The following GNG2 variants were observed in gnomAD, a reference collection of about 807,000 sequenced individuals.
GNG2 encodes guanine nucleotide-binding protein G(I)/G(S)/G(O) subunit gamma-2.
GNG2 carries 5 observed loss-of-function variants against 5.5 expected under a neutral mutation model. The observed-to-expected ratio is 0.91, with a 90% CI of 0.48 to 1.92. The LOEUF is 1.92. Ranked by LOEUF, GNG2 falls within the 30% of genes most tolerant of loss-of-function variation. The probability of loss-of-function intolerance (pLI) is 0.01; values close to 1 mark genes in which losing one functional copy is unlikely to be tolerated. For synonymous variants in GNG2, 28 were observed against 32.0 expected (o/e 0.88, Z 0.42); for missense variants, 55 against 88.4 (o/e 0.62, Z 1.52).
intron 3 of GNG2, among the ~76,000 whole-genome samples, chr14:51,955,504 G>T (rs531855294): frequency 2.0e-5 from 3 of 152,082 alleles, no homozygotes; most frequent in Admixed American, 2.0e-4. Flanking sequence ...ATCTTTCATG[G>T]TACTGGGGTA....
At chr14:51,859,961 C>A (rs941371068), upstream of GNG2, among the ~76,000 whole-genome samples, 3 of 152,164 alleles carry the variant, frequency 2.0e-5, no homozygotes, top group Admixed American at 2.0e-4. Flanking sequence ...GTTTAGTTCC[C>A]GTGCCCCATA....
At position 51,919,676 on chromosome 14, in the gene GNG2, C is replaced by A. The variant is rs77948169; in HGVS notation, c.-29-30974C>A. On this transcript the variant is annotated intron_variant, in intron 2 of 3. Transcript: ENST00000556766. ...GATTTGTAAGGCAGCTGAGCTTTGG[C>A]TGATTGAGACTTGTTTGTTTGAACA... Among the ~76,000 whole-genome samples, 1,170 of 152,264 alleles carry A rather than the reference C, an allele frequency of 7.7e-3. 18 individuals carry two copies. Among genetic ancestry groups the A allele is most frequent in the African/African-American group, 0.027 (1,115 of 41,540 alleles).
chr14:51,848,032 C>T (rs1442569603), intron 2 of GNG2, among the ~76,000 whole-genome samples: 13 of 151,706 alleles, frequency 8.6e-5, no homozygotes, highest in Admixed American at 8.6e-4. Flanking sequence ...TCCACACTGC[C>T]CCCTCCACTC....
In GNG2 at chr14:51,954,478, G is replaced by C. The variant is rs140242044; in HGVS notation, c.87+3713G>C. ...ACATGCACAAAAGTAAAGGACAGCAGGGCTTCAGTAAATCTGTTTATTCAT... is the reference window on the plus strand; with the variant it reads ...ACATGCACAAAAGTAAAGGACAGCACGGCTTCAGTAAATCTGTTTATTCAT... On this transcript the variant is annotated intron_variant, in intron 3 of 3. Transcript: ENST00000556766. 1.1e-3 allele frequency among the ~76,000 whole-genome samples: 160 copies of C among 152,246 alleles called. 1 individual carries two copies. Among genetic ancestry groups the C allele is most frequent in the African/African-American group, 3.6e-3 (151 of 41,538 alleles).
chr14:51,956,121 G>A (rs1347592956), intron 3 of GNG2, among the ~76,000 whole-genome samples: 1 of 152,102 alleles, frequency 6.6e-6, no homozygotes, highest in Admixed American at 6.5e-5. Flanking sequence ...CTCCTTCTAG[G>A]CCAATTCCAA....
At chr14:51,879,458 A>G (rs1266554352) in intron 2 of GNG2, among the ~76,000 whole-genome samples, 1 of 152,250 alleles carries the variant, frequency 6.6e-6, no homozygotes, top group Non-Finnish European at 1.5e-5. Context: ...TTAGTTTTCT[A>G]TGGCTGCTGT....
chr14:51,942,589 C>CTTTCTTTCTTTCTTTT (rs761049973), intron 2 of GNG2, among the ~76,000 whole-genome samples: 3 of 81,142 alleles, frequency 3.7e-5, no homozygotes, highest in Non-Finnish European at 6.8e-5. Flanking sequence ...TTCTTTCTTT[C>CTTTCTTTCTTTCTTTT]TTTTTTTTTT....
chr14:51,915,024 C>G (rs764198480), intron 2 of GNG2, among the ~76,000 whole-genome samples: 2 of 152,236 alleles, frequency 1.3e-5, no homozygotes, highest in African/African-American at 2.4e-5. Context: ...TCATTTCTTT[C>G]TACTTAGGCA....
chr14:51,952,636 G>C (rs1166592254), intron 3 of GNG2, among the ~76,000 whole-genome samples: 1 of 152,198 alleles, frequency 6.6e-6, no homozygotes, highest in African/African-American at 2.4e-5. Flanking sequence ...CCCAGTTACT[G>C]TTCCTGAAGG....
intron 2 of GNG2, among the ~76,000 whole-genome samples, chr14:51,927,621 G>A (rs1247591371): frequency 6.6e-6 from 1 of 152,140 alleles, no homozygotes; most frequent in South Asian, 2.1e-4. Flanking sequence ...CTAAAAATAG[G>A]GGCTGTGCCT....
chr14:51,954,428 T>A (rs981117251), intron 3 of GNG2, among the ~76,000 whole-genome samples: 1 of 152,112 alleles, frequency 6.6e-6, no homozygotes, highest in African/African-American at 2.4e-5. Context: ...AAAGAAACCT[T>A]GTCCTTAGAG....
chr14:51,908,138 G>A (rs147373668), intron 2 of GNG2, among the ~76,000 whole-genome samples: 89 of 152,292 alleles, frequency 5.8e-4, no homozygotes, highest in African/African-American at 2.0e-3. Flanking sequence ...GGCTTAAGTG[G>A]GCCTGGAGGA....
chr14:51,948,930 G>T (rs1888801559), intron 2 of GNG2, among the ~76,000 whole-genome samples: 1 of 152,036 alleles, frequency 6.6e-6, no homozygotes, highest in Admixed American at 6.5e-5. Context: ...GACCATCCTG[G>T]CTAACATGGT....
At chr14:51,927,295 T>A (rs144669898) in intron 2 of GNG2, among the ~76,000 whole-genome samples, 50 of 152,358 alleles carry the variant, frequency 3.3e-4, no homozygotes, top group African/African-American at 1.1e-3. Flanking sequence ...ATGTCATTGC[T>A]TCAAATTCTG....
At position 51,910,204 on chromosome 14, in the gene GNG2, C is replaced by T. The variant is rs532745994; in HGVS notation, c.-30+32547C>T. Among the ~76,000 whole-genome samples, 5 of 152,206 alleles carry T rather than the reference C, an allele frequency of 3.3e-5. No homozygotes were observed. The East Asian group carries it at 5.8e-4, about 18-fold the overall frequency. ...GCAGTATTCCAGGAAGCCAGGAAAA[C>T]GGAGATCTGCAGGATGAATTTGAGG... is the stretch of plus-strand genomic sequence containing the variant. On this transcript the variant is annotated intron_variant, in intron 2 of 3. Coordinates refer to ENST00000556766, the MANE Select transcript of GNG2 (RefSeq NM_053064.5).
intron 2 of GNG2, among the ~76,000 whole-genome samples, chr14:51,839,293 T>C (rs1022327195): frequency 2.6e-5 from 4 of 152,192 alleles, no homozygotes; most frequent in African/African-American, 9.7e-5. Flanking sequence ...TGGGTCAACT[T>C]GAAGCAGGGA....
chr14:51,871,971 G>A (rs1299407045), intron 1 of GNG2, among the ~76,000 whole-genome samples: 1 of 152,230 alleles, frequency 6.6e-6, no homozygotes, highest in Admixed American at 6.5e-5. Flanking sequence ...GGCCAGTGAA[G>A]TGAACAGAAG....
chr14:51,942,585 C>CTT (rs1443819633), intron 2 of GNG2, among the ~76,000 whole-genome samples: 3 of 61,606 alleles, frequency 4.9e-5, no homozygotes, highest in African/African-American at 1.7e-4. Context: ...TTCTTTCTTT[C>CTT]TTTCTTTTTT....
chr14:51,926,260 C>A (rs2140235421), intron 2 of GNG2, among the ~76,000 whole-genome samples: 1 of 152,086 alleles, frequency 6.6e-6, no homozygotes, highest in South Asian at 2.1e-4. Context: ...TTCACCAAGG[C>A]ACATTTAAGC....
Sources: allele counts gnomAD v4.1 joint callset (sites outside exome capture counted in the v4.1 genomes callset), GRCh38; gene constraint gnomAD v4.1.1; transcripts MANE v1.5; gene names NCBI Gene and HGNC (gene_info 2026-07-23, HGNC 2026-07-21).